NTRK3: variants seen among roughly 807,000 people sequenced by gnomAD.
NTRK3 encodes the protein NT-3 growth factor receptor.
NTRK3 carries 24 observed loss-of-function variants against 91.7 expected under a neutral mutation model. The ratio of observed to expected loss-of-function variants is 0.26; its 90% CI spans 0.19 to 0.37. The LOEUF (loss-of-function observed/expected upper bound fraction) is 0.37, where lower values mean the gene tolerates loss of function less well. NTRK3 is among the 10% of genes least tolerant of loss of function. The probability of loss-of-function intolerance (pLI) is 1.00; values close to 1 mark genes in which losing one functional copy is unlikely to be tolerated. For missense variants in NTRK3, 880 were observed against 1,068.9 expected (o/e 0.82, Z 2.46); for synonymous variants, 483 against 404.0 (o/e 1.20, Z -2.34).
intron 3 of NTRK3, among the ~76,000 whole-genome samples, chr15:88,222,596 A>G (rs917870870): frequency 6.6e-6 from 1 of 152,204 alleles, no homozygotes; most frequent in African/African-American, 2.4e-5. Context: ...ATTTCCATTC[A>G]TAGGTGGGGA....
chr15:88,134,842 C>A (rs1166582082), intron 10 of NTRK3, among the ~76,000 whole-genome samples: 1 of 152,232 alleles, frequency 6.6e-6, no homozygotes, highest in Non-Finnish European at 1.5e-5. Flanking sequence ...GCTTTCTCTA[C>A]TATCATACAG....
At chr15:88,024,538 G>A (rs962540731) in intron 14 of NTRK3, among the ~76,000 whole-genome samples, 2 of 152,190 alleles carry the variant, frequency 1.3e-5, no homozygotes, top group African/African-American at 4.8e-5. Flanking sequence ...ATGAGAGTGA[G>A]GGGCCAAGAC....
At chr15:87,949,939 C>G (rs1004203507) in intron 14 of NTRK3, among the ~76,000 whole-genome samples, 1 of 152,196 alleles carries the variant, frequency 6.6e-6, no homozygotes, top group African/African-American at 2.4e-5. Context: ...CCCCTCCTTC[C>G]TCTGCCTCTT....
chr15:87,957,209 T>G (rs1365752737), intron 14 of NTRK3, among the ~76,000 whole-genome samples: 1 of 151,908 alleles, frequency 6.6e-6, no homozygotes, highest in African/African-American at 2.4e-5. Context: ...ATACAATTGT[T>G]TTGCATACAA....
rs755078492 is a variant in NTRK3, at chr15:87,877,123, G to C, written c.2293-3C>G. The C allele has an allele frequency of 6.2e-7, 1 of 1,613,888 alleles. No homozygotes were observed. On this transcript the variant is annotated splice_region_variant and splice_polypyrimidine_tract_variant and intron_variant, in intron 18 of 18. Coordinates refer to ENST00000394480, the Ensembl canonical transcript of NTRK3. ...CCTTGGGTAATGCACTCAATGACCT[G>C]AAAGAGTGAGAAGAACAAGGAAGTT...
intron 14 of NTRK3, among the ~76,000 whole-genome samples, chr15:88,026,298 A>C (rs2078033025): frequency 1.3e-5 from 2 of 152,114 alleles, no homozygotes; most frequent in Admixed American, 1.3e-4. Context: ...AAATAAAATA[A>C]AAAATAAAAA....
chr15:88,205,621 C>A (rs1308881390), intron 3 of NTRK3, among the ~76,000 whole-genome samples: 4 of 152,180 alleles, frequency 2.6e-5, no homozygotes, highest in African/African-American at 9.7e-5. Context: ...TGCACACAGC[C>A]CGCTTCTGAA....
chr15:87,876,964 T>G (rs1478939691), exon 19 of NTRK3: 11 of 1,613,756 alleles, frequency 6.8e-6, no homozygotes, highest in Non-Finnish European at 8.5e-6. Context: ...TAGATTGGGG[T>G]GGCCTTCCCC....
At chr15:88,253,821 C>A (rs2053695289) in intron 3 of NTRK3, among the ~76,000 whole-genome samples, 1 of 152,174 alleles carries the variant, frequency 6.6e-6, no homozygotes, top group Admixed American at 6.5e-5. Flanking sequence ...CCTCCTGAGG[C>A]CCTCCAGTAC....
At chr15:88,003,480 A>G (rs2076259296) in intron 14 of NTRK3, among the ~76,000 whole-genome samples, 1 of 152,196 alleles carries the variant, frequency 6.6e-6, no homozygotes. Context: ...AATCCCATGA[A>G]GTAGGTAACA....
intron 14 of NTRK3, among the ~76,000 whole-genome samples, chr15:88,007,479 A>G (rs1378456358): frequency 6.6e-6 from 1 of 152,234 alleles, no homozygotes. Context: ...CACTCTGGAA[A>G]GAGTGACTTT....
rs1047005166 is a variant in NTRK3 at position 88,095,432 on chromosome 15, C to T, written c.1396+30839G>A. Among the ~76,000 whole-genome samples, 3 of 152,302 alleles carry T rather than the reference C, an allele frequency of 2.0e-5. No homozygotes were observed. The South Asian group carries it at 6.2e-4, about 32-fold the overall frequency. ...TCAGCGATGAGTGGTCTCCATTGAA[C>T]CATGGCTCACTTACAGGGTGTCAAT... On this transcript the variant is annotated intron_variant, in intron 13 of 18. Coordinates refer to ENST00000394480, the Ensembl canonical transcript of NTRK3.
chr15:88,137,431 G>C, exon 7 of NTRK3: 1 of 1,614,076 alleles, frequency 6.2e-7, no homozygotes, highest in Admixed American at 1.7e-5. Context: ...ATGCGGAAGA[G>C]AGGAAGCTGG....
chr15:88,135,260 G>A, exon 10 of NTRK3: 1 of 1,614,206 alleles, frequency 6.2e-7, no homozygotes, highest in Non-Finnish European at 8.5e-7. Context: ...TATTCCACAT[G>A]GATGATCTTG....
intron 14 of NTRK3, among the ~76,000 whole-genome samples, chr15:87,953,126 A>G (rs2071311687): frequency 6.6e-6 from 1 of 152,182 alleles, no homozygotes; most frequent in Non-Finnish European, 1.5e-5. Flanking sequence ...TGTTAAACGC[A>G]CTGGCCGGTG....
chr15:87,900,690 GGTGTGTGTGTGTGTGTGT>G (rs61498493), intron 17 of NTRK3, among the ~76,000 whole-genome samples: 11 of 138,242 alleles, frequency 8.0e-5, no homozygotes, highest in African/African-American at 1.4e-4. Flanking sequence ...CTTTACAGAG[GGTGTGTGTGTGTGTGTGT>G]GTGTGTGTGT....
intron 3 of NTRK3, among the ~76,000 whole-genome samples, chr15:88,206,272 G>T (rs1425052618): frequency 6.6e-6 from 1 of 150,754 alleles, no homozygotes; most frequent in African/African-American, 2.4e-5. Flanking sequence ...GCGAACCCCG[G>T]GGGGCGGAGC....
chr15:88,206,586 A>C (rs1184551387), intron 3 of NTRK3, among the ~76,000 whole-genome samples: 1 of 118,896 alleles, frequency 8.4e-6, no homozygotes, highest in Non-Finnish European at 1.7e-5. Flanking sequence ...CGAACCCGGG[A>C]GGCGGAGCTT....
intron 14 of NTRK3, among the ~76,000 whole-genome samples, chr15:87,946,874 CTTTTTTTTTTTT>C (rs560114979): frequency 4.3e-4 from 37 of 85,452 alleles, no homozygotes; most frequent in Middle Eastern, 0.011. Flanking sequence ...TTCGTGGGTT[CTTTTTTTTTTTT>C]TTTTTTTTTT....
Sources: allele counts gnomAD v4.1 joint callset (sites outside exome capture counted in the v4.1 genomes callset), GRCh38; gene constraint gnomAD v4.1.1; transcripts MANE v1.5; gene names NCBI Gene and HGNC (gene_info 2026-07-23, HGNC 2026-07-21).